The following KLK13 variants were observed in gnomAD, a reference collection of about 807,000 sequenced individuals.
KLK13 encodes the protein kallikrein related peptidase 13.
KLK13 carries 19 observed loss-of-function variants against 22.4 expected under a neutral mutation model. The ratio of observed to expected loss-of-function variants is 0.85; its 90% CI spans 0.59 to 1.24. The LOEUF is 1.24. Ranked by LOEUF, KLK13 falls within the 50% of genes most tolerant of loss-of-function variation. KLK13 has a pLI of 0.00. For synonymous variants in KLK13, 156 were observed against 141.8 expected, an observed-to-expected ratio of 1.10 and a Z score of -0.71; for missense variants, 311 against 347.9, an observed-to-expected ratio of 0.89 and a Z score of 0.84.
At position 51,059,900 on chromosome 19, in the gene KLK13, G is replaced by T. The variant is rs998129958; in HGVS notation, c.433C>A (p.Leu145Ile). The change falls in exon 3 of 5, where the codon CTT (leucine) becomes ATT (isoleucine). Residue 145 changes from leucine (L) to isoleucine (I), a missense_variant. Transcript: ENST00000595793. ...QLTGYIQTLP[L>I]SHNNRLTPGT... ...GGGGTTAGGCGGTTGTTGTGGGAAA[G>T]GGGCAGGGTTTGGATGTAGCCTGTG... 6.2e-7 allele frequency: 1 copy of T among 1,604,564 alleles called. No homozygotes were observed. Among genetic ancestry groups the T allele is most frequent in the Non-Finnish European group, 8.5e-7 (1 of 1,175,138 alleles).
chr19:51,064,943 C>T, intron 1 of KLK13, 73 bp downstream of exon 1: 1 of 1,314,806 alleles, frequency 7.6e-7, no homozygotes, highest in Non-Finnish European at 1.0e-6. Flanking sequence ...CCCACGCCCC[C>T]TCCCCCTCCG....
chr19:51,055,742 A>G lies in KLK13; in HGVS notation c.*845T>C, dbSNP rs1446356881. On this transcript the variant is annotated 3_prime_UTR_variant, in exon 5 of 5. Coordinates refer to ENST00000595793, the MANE Select transcript of KLK13 (RefSeq NM_015596.3). ...GTGAGTTTTATAACTTGTCCAAAGC[A>G]AGGATTTGCACTACATTTTAGGGTC... 6.6e-6 allele frequency among the ~76,000 whole-genome samples: 1 copy of G among 152,234 alleles called. No individual in the cohort carries two copies. The highest frequency in any genetic ancestry group is 1.5e-5 in the Non-Finnish European group (1 of 68,050).
intron 1 of KLK13, among the ~76,000 whole-genome samples, chr19:51,062,537 G>A (rs2091739741): frequency 6.6e-6 from 1 of 152,184 alleles, no homozygotes; most frequent in Non-Finnish European, 1.5e-5. Context: ...CACAGCGCCT[G>A]GCACACAATG....
intron 3 of KLK13, among the ~76,000 whole-genome samples, chr19:51,059,358 T>G (rs1056980325): frequency 6.8e-6 from 1 of 147,304 alleles, no homozygotes; most frequent in East Asian, 1.9e-4. Context: ...TTATAAATGA[T>G]AAAATTCATT....
intron 4 of KLK13, among the ~76,000 whole-genome samples, chr19:51,057,089 G>A (rs1568587009): frequency 6.6e-6 from 1 of 152,070 alleles, no homozygotes; most frequent in African/African-American, 2.4e-5. Context: ...CATTAAAATG[G>A]TAACAACTTA....
At position 51,060,433 on chromosome 19, in the gene KLK13, T is replaced by A. The variant is rs2091717593; in HGVS notation, c.239A>T (p.Glu80Val). Reference sequence around the variant, plus strand: ...CCATGCTCCCCCGGCCCCCACATACTCCTTTAGACAGTGTGCGGCAGTGAG... The same window carrying A: ...CCATGCTCCCCCGGCCCCCACATACACCTTTAGACAGTGTGCGGCAGTGAG... ...WVLTAAHCLK[E>V]GLKVYLGKHA... Residue 80 changes from glutamate (E) to valine (V), a missense_variant and splice_region_variant, in exon 2 of 5, where the codon GAG becomes GTG. Transcript: ENST00000595793. The A allele has an allele frequency of 1.9e-6, 3 of 1,574,516 alleles. No individual in the cohort carries two copies. Among genetic ancestry groups the A allele is most frequent in the Admixed American group, 1.8e-5 (1 of 54,422 alleles).
At position 51,059,891 on chromosome 19, in the gene KLK13, T is replaced by C. The variant is rs775528273; in HGVS notation, c.442A>G (p.Asn148Asp). Residue 148 changes from asparagine (N) to aspartate (D), a missense_variant, in exon 3 of 5, where the codon AAC becomes GAC. Transcript: ENST00000595793. ...GYIQTLPLSH[N>D]NRLTPGTTCR... ...GTGGTGCCAGGGGTTAGGCGGTTGT[T>C]GTGGGAAAGGGGCAGGGTTTGGATG... 8 of 1,603,912 alleles carry C rather than the reference T, an allele frequency of 5.0e-6. No individual in the cohort carries two copies. The highest frequency in any genetic ancestry group is 6.0e-6 in the Non-Finnish European group (7 of 1,174,784).
intron 1 of KLK13, among the ~76,000 whole-genome samples, chr19:51,061,142 C>T (rs115428376): frequency 6.6e-6 from 1 of 152,104 alleles, no homozygotes; most frequent in African/African-American, 2.4e-5. Context: ...TCCAACCATC[C>T]ATCCACTCAT....
chr19:51,057,053 CTG>C (rs2091682358), intron 4 of KLK13, among the ~76,000 whole-genome samples: 2 of 152,188 alleles, frequency 1.3e-5, no homozygotes, highest in African/African-American at 2.4e-5. Flanking sequence ...AGAGAAATTT[CTG>C]TGTTTTTCTC....
chr19:51,059,798 C>A (rs767547993), intron 3 of KLK13, 27 bp downstream of exon 3: 1 of 1,553,594 alleles, frequency 6.4e-7, no homozygotes, highest in Non-Finnish European at 8.7e-7. Context: ...TCCTATGGGG[C>A]CTCAGGCCAC....
Position 51,056,637 on chromosome 19 carries a change from T to G in KLK13, c.784A>C (p.Ile262Leu). Reference protein sequence around the residue: ...SRYVLWIRETIRKYETQQQKW... With the variant: ...SRYVLWIRETLRKYETQQQKW... Reference sequence around the variant, plus strand: ...TGCTGCTGGGTTTCATATTTTCGGATTGTTTCACGGATCCACAGGACGTAT... The same window carrying G: ...TGCTGCTGGGTTTCATATTTTCGGAGTGTTTCACGGATCCACAGGACGTAT... The change falls in exon 5 of 5, where the codon ATC becomes CTC. Residue 262 changes from isoleucine to leucine, a missense_variant. Transcript: ENST00000595793. The G allele has an allele frequency of 6.2e-7, 1 of 1,614,176 alleles. No homozygotes were observed. Among genetic ancestry groups the G allele is most frequent in the East Asian group, 2.2e-5 (1 of 44,886 alleles).
intron 4 of KLK13, 41 bp from the exon 5 acceptor site, chr19:51,056,816 C>A (rs1161916939): frequency 1.3e-6 from 2 of 1,533,588 alleles, no homozygotes; most frequent in South Asian, 1.1e-5. Flanking sequence ...TGGGTCCTTG[C>A]TGGGGCTAAA....
At position 51,059,840 on chromosome 19, in the gene KLK13, T is replaced by C; in HGVS notation, c.493A>G (p.Thr165Ala). ...GGGTGCATACCCTGGGGGCTGGTGG[T>C]GGTGCCCCAGCCAGACACCCGACAG... The part of the protein sequence containing the change: ...TTCRVSGWGT[T>A]TSPQVNYPKT... Residue 165 changes from threonine (T) to alanine (A), a missense_variant, in exon 3 of 5, where the codon ACC becomes GCC. Physicochemically the swap from Thr to Ala is moderately conservative, Grantham distance 58 (BLOSUM62 0). Transcript: ENST00000595793. 2 of 1,601,704 alleles carry C rather than the reference T, an allele frequency of 1.2e-6. No individual in the cohort carries two copies. Among genetic ancestry groups the C allele is most frequent in the Non-Finnish European group, 1.7e-6 (2 of 1,173,400 alleles).
In KLK13 at chr19:51,059,864, A is replaced by G. The variant is rs937312770; in HGVS notation, c.469T>C (p.Cys157Arg). 1 of 1,603,774 alleles carries G rather than the reference A, an allele frequency of 6.2e-7. No homozygotes were observed. Among genetic ancestry groups the G allele is most frequent in the Non-Finnish European group, 8.5e-7 (1 of 1,174,506 alleles). Residue 157 changes from cysteine (C) to arginine (R), a missense_variant, in exon 3 of 5, where the codon TGT becomes CGT. By Grantham distance (180) the Cys-to-Arg change is radical. Coordinates refer to ENST00000595793, the MANE Select transcript of KLK13 (RefSeq NM_015596.3). ...GTGGTGCCCCAGCCAGACACCCGACAGGTGGTGCCAGGGGTTAGGCGGTTG... is the reference window on the plus strand; with the variant it reads ...GTGGTGCCCCAGCCAGACACCCGACGGGTGGTGCCAGGGGTTAGGCGGTTG... ...HNNRLTPGTT[C>R]RVSGWGTTTS...
intron 3 of KLK13, among the ~76,000 whole-genome samples, chr19:51,059,212 A>G (rs2091702749): frequency 6.6e-6 from 1 of 151,740 alleles, no homozygotes; most frequent in South Asian, 2.1e-4. Context: ...TATATAATGT[A>G]TTATACTTAC....
intron 1 of KLK13, among the ~76,000 whole-genome samples, chr19:51,062,901 T>C (rs539907107): frequency 6.8e-4 from 103 of 152,276 alleles, no homozygotes; most frequent in African/African-American, 2.5e-3. Context: ...GGGCAAGCAG[T>C]TGGATTAGCT....
intron 1 of KLK13, among the ~76,000 whole-genome samples, chr19:51,062,188 T>A (rs1441664341): frequency 6.6e-6 from 1 of 152,208 alleles, no homozygotes; most frequent in Non-Finnish European, 1.5e-5. Context: ...AGCACAGATA[T>A]AGGATATTTC....
rs148778381 is a variant in KLK13 at position 51,059,862 on chromosome 19, A to G, written c.471T>C (p.Cys157=). The part of the protein sequence containing the change: ...HNNRLTPGTT[C]RVSGWGTTTS... ...TGGTGGTGCCCCAGCCAGACACCCG[A>G]CAGGTGGTGCCAGGGGTTAGGCGGT... The change falls in exon 3 of 5, where the codon TGT becomes TGC. Residue 157 remains cysteine, a synonymous_variant. Coordinates refer to ENST00000595793, the MANE Select transcript of KLK13 (RefSeq NM_015596.3). 1 of 1,604,146 alleles carries G rather than the reference A, an allele frequency of 6.2e-7. No homozygotes were observed. The highest frequency in any genetic ancestry group is 8.5e-7 in the Non-Finnish European group (1 of 1,174,720).
intron 2 of KLK13, 136 bp from the exon 3 acceptor site, chr19:51,060,229 A>C: frequency 8.7e-7 from 1 of 1,145,880 alleles, no homozygotes; most frequent in Non-Finnish European, 1.2e-6. Flanking sequence ...CATCTCCCCC[A>C]TCCTCAACTT....
Sources: allele counts gnomAD v4.1 joint callset (sites outside exome capture counted in the v4.1 genomes callset), GRCh38; gene constraint gnomAD v4.1.1; transcripts MANE v1.5; gene names NCBI Gene and HGNC (gene_info 2026-07-23, HGNC 2026-07-21).